AQR: variants seen among roughly 807,000 people sequenced by gnomAD.
The protein encoded by AQR is RNA helicase aquarius.
A neutral mutation model predicts 180.5 loss-of-function variants in AQR; 61 were observed. The observed-to-expected ratio is 0.34, with a 90% CI of 0.28 to 0.42. The LOEUF (loss-of-function observed/expected upper bound fraction) is 0.42. Among genes scored for constraint, AQR ranks in the 10% least tolerant of loss-of-function variants. The probability of loss-of-function intolerance (pLI) is 1.00; values close to 1 mark genes in which losing one functional copy is unlikely to be tolerated. For missense variants in AQR, 1,281 were observed against 1,798.3 expected (o/e 0.71, Z 5.20); for synonymous variants, 551 against 588.8 (o/e 0.94, Z 0.93).
intron 3 of AQR, among the ~76,000 whole-genome samples, chr15:34,956,399 C>T (rs1894316734): frequency 1.3e-5 from 2 of 152,106 alleles, no homozygotes; most frequent in Admixed American, 1.3e-4. Flanking sequence ...ACCTGTAATC[C>T]CAGCACTTTG....
chr15:34,918,162 G>A, intron 15 of AQR, 96 bp downstream of exon 15: 1 of 1,303,332 alleles, frequency 7.7e-7, no homozygotes, highest in Non-Finnish European at 1.1e-6. Context: ...CTAATGTACA[G>A]AGTAGACTCA....
rs1264850303 is a variant in AQR at position 34,915,018 on chromosome 15, G to A, written c.1484+20C>T. The A allele has an allele frequency of 2.5e-6, 4 of 1,590,424 alleles. No individual in the cohort carries two copies. Among genetic ancestry groups the A allele is most frequent in the African/African-American group, 1.4e-5 (1 of 73,730 alleles). ...TCACTGTTTGCATCTCTTCATTACA[G>A]GTGGAACCAATTTACTAACCATGGC... is the stretch of plus-strand genomic sequence containing the variant. On this transcript the variant is annotated intron_variant, in intron 16 of 34. Transcript: ENST00000156471.
At chr15:34,932,827 C>T (rs922697098) in intron 10 of AQR, among the ~76,000 whole-genome samples, 7 of 151,854 alleles carry the variant, frequency 4.6e-5, no homozygotes, top group African/African-American at 1.5e-4. Flanking sequence ...TGGTGATGGG[C>T]GCCTGTAATC....
chr15:34,927,793 G>T (rs1423067035), intron 12 of AQR, among the ~76,000 whole-genome samples: 2 of 152,222 alleles, frequency 1.3e-5, no homozygotes, highest in Non-Finnish European at 2.9e-5. Context: ...GGATGACACA[G>T]AAGGTTGCCA....
At chr15:34,923,664 T>C (rs1893714105) in intron 13 of AQR, among the ~76,000 whole-genome samples, 1 of 152,200 alleles carries the variant, frequency 6.6e-6, no homozygotes, top group Non-Finnish European at 1.5e-5. Flanking sequence ...TCTAATTGTT[T>C]CAGCACCATT....
chr15:34,906,621 C>T lies in AQR; in HGVS notation c.1755G>A (p.Glu585=). 2 of 1,614,102 alleles carry T rather than the reference C, an allele frequency of 1.2e-6. No homozygotes were observed. The highest frequency in any genetic ancestry group is 8.5e-7 in the Non-Finnish European group (1 of 1,180,004). Residue 585 remains glutamate (E), a synonymous_variant, in exon 18 of 35, where the codon GAG becomes GAA. Coordinates refer to ENST00000156471, the MANE Select transcript of AQR (RefSeq NM_014691.3). ...CTCTGACATAAACCAGGCCAACCTG[C>T]TCAATAAAAGGTCTCCTCCGGTCAA... ...TKFDRRRPFI[E]QVGLVYVRGC...
At position 34,964,256 on chromosome 15, in the gene AQR, T is replaced by G; in HGVS notation, c.110A>C (p.Lys37Thr). The G allele has an allele frequency of 6.2e-7, 1 of 1,608,222 alleles. No homozygotes were observed. Among genetic ancestry groups the G allele is most frequent in the South Asian group, 1.1e-5 (1 of 90,324 alleles). Residue 37 changes from lysine (K) to threonine (T), a missense_variant, in exon 2 of 35, where the codon AAG becomes ACG. Lys to Thr is a moderately conservative substitution (Grantham distance 78). Around this residue, in one of 9 missense-constraint regions of AQR, gnomAD observed 404 missense variants for 490.9 expected, o/e 0.82. Coordinates refer to ENST00000156471, the MANE Select transcript of AQR (RefSeq NM_014691.3). The part of the protein sequence containing the change: ...ACKYWAPHIK[K>T]KSPFDIKVIE... Reference sequence around the variant, plus strand: ...TACCTTTATATCAAAAGGTGATTTCTTCTTGATGTGGGGAGCCCAGTATTT... The same window carrying G: ...TACCTTTATATCAAAAGGTGATTTCGTCTTGATGTGGGGAGCCCAGTATTT...
rs200958717 is a variant in AQR at position 34,927,108 on chromosome 15, A to G, written c.1045T>C (p.Tyr349His). The change falls in exon 13 of 35, where the codon TAT (tyrosine) becomes CAT (histidine). Residue 349 changes from tyrosine (Y) to histidine (H), a missense_variant. Transcript: ENST00000156471. ...GCCACATTTGAGAGGGCAAAATCAT[A>G]GAGTTCAGGAAAATGTGCAAAAGCA... is the stretch of plus-strand genomic sequence containing the variant. Reference protein sequence around the residue: ...RAAFAHFPELYDFALSNVAEV... With the variant: ...RAAFAHFPELHDFALSNVAEV... 3.9e-5 allele frequency: 62 copies of G among 1,592,846 alleles called. No individual in the cohort carries two copies. In the African/African-American group the frequency reaches 7.4e-4, roughly 19 times the overall value.
At position 34,903,264 on chromosome 15, in the gene AQR, A is replaced by G. The variant is rs559760441; in HGVS notation, c.2001+1072T>C. ...AAAATGATGTTGGAGAGGACACCAG[A>G]AGACAGATAATGAGAGGGCCTTTTG... On this transcript the variant is annotated intron_variant, in intron 19 of 34. Coordinates refer to ENST00000156471, the MANE Select transcript of AQR (RefSeq NM_014691.3). Among the ~76,000 whole-genome samples the G allele has an allele frequency of 4.6e-5, 7 of 152,330 alleles. No homozygotes were observed. In the East Asian group the frequency reaches 1.3e-3, roughly 29 times the overall value.
rs1893560852 is a variant in AQR, at chr15:34,915,115, G to A, written c.1407C>T (p.Asn469=). ...FLTLHDYLLR[N]FNLFRLESTY... ...TTGATTCTAAGCGGAAGAGGTTAAAGTTCCTTAGCAGGTAGTCATGAAGAG... is the reference window on the plus strand; with the variant it reads ...TTGATTCTAAGCGGAAGAGGTTAAAATTCCTTAGCAGGTAGTCATGAAGAG... The change falls in exon 16 of 35, where the codon AAC becomes AAT. Residue 469 remains asparagine (N), a synonymous_variant. Transcript: ENST00000156471. 1.2e-6 allele frequency: 2 copies of A among 1,613,250 alleles called. No homozygotes were observed. Among genetic ancestry groups the A allele is most frequent in the Non-Finnish European group, 8.5e-7 (1 of 1,179,870 alleles).
chr15:34,886,493 T>C, intron 25 of AQR, 33 bp downstream of exon 25: 1 of 1,575,544 alleles, frequency 6.3e-7, no homozygotes, highest in Non-Finnish European at 8.6e-7. Flanking sequence ...CATATTATGA[T>C]GAAGTATGAT....
At chr15:34,952,853 C>A (rs1272151376) in intron 4 of AQR, 32 bp downstream of exon 4, 29 of 1,415,486 alleles carry the variant, frequency 2.0e-5, no homozygotes, top group Non-Finnish European at 2.8e-5. Flanking sequence ...ATCACATTAT[C>A]TCTTTCATCA....
rs1310953427 is a variant in AQR, at chr15:34,886,647, T to C, written c.2696A>G (p.Asn899Ser). 1 of 1,613,180 alleles carries C rather than the reference T, an allele frequency of 6.2e-7. No individual in the cohort carries two copies. The part of the protein sequence containing the change: ...EKDFSRYGRV[N>S]YVLARRIELL... Reference sequence around the variant, plus strand: ...TTCTATTCTTCGAGCCAGAACATAATTAACTCTTCCATACCTAGACATTTC... The same window carrying C: ...TTCTATTCTTCGAGCCAGAACATAACTAACTCTTCCATACCTAGACATTTC... Residue 899 changes from asparagine (N) to serine (S), a missense_variant, in exon 25 of 35, where the codon AAT becomes AGT. Physicochemically the swap from Asn to Ser is conservative, Grantham distance 46. This residue lies in a region of AQR where 125 missense variants were observed against 185.0 expected (regional missense o/e 0.68). Coordinates refer to ENST00000156471, the MANE Select transcript of AQR (RefSeq NM_014691.3).
rs377254163 is a variant in AQR, at chr15:34,914,914, C to G, written c.1484+124G>C. The G allele has an allele frequency of 2.9e-5, 29 of 988,500 alleles. 1 individual carries two copies. Among genetic ancestry groups the G allele is most frequent in the African/African-American group, 2.2e-4 (13 of 59,834 alleles). 61.2% of individuals were successfully genotyped at this position (988,500 alleles called of 1,614,324 possible). Reference sequence around the variant, plus strand: ...TAAAAATGTCTCAAAGAGTAAATATCTCCTATTTTAGAGGGCACTTTTGTC... The same window carrying G: ...TAAAAATGTCTCAAAGAGTAAATATGTCCTATTTTAGAGGGCACTTTTGTC... On this transcript the variant is annotated intron_variant, in intron 16 of 34. Transcript: ENST00000156471.
intron 23 of AQR, among the ~76,000 whole-genome samples, chr15:34,891,623 T>C (rs915205366): frequency 2.0e-5 from 3 of 152,270 alleles, no homozygotes; most frequent in East Asian, 1.9e-4. Context: ...AGGATAACTG[T>C]AGAAAGCCAT....
intron 31 of AQR, chr15:34,868,930 C>G (rs922381990): frequency 6.6e-6 from 1 of 152,156 alleles, no homozygotes; most frequent in Non-Finnish European, 1.5e-5. Context: ...TAGTTTGAAG[C>G]TATCTTGCAT....
intron 13 of AQR, among the ~76,000 whole-genome samples, chr15:34,925,861 T>C (rs1389732897): frequency 5.4e-5 from 8 of 147,710 alleles, no homozygotes; most frequent in Admixed American, 4.7e-4. Flanking sequence ...GACTCACCAA[T>C]AGGAGATTAA....
At chr15:34,908,401 C>T (rs541980005) in intron 17 of AQR, among the ~76,000 whole-genome samples, 2 of 151,914 alleles carry the variant, frequency 1.3e-5, no homozygotes, top group East Asian at 3.9e-4. Flanking sequence ...GTGCCACTGC[C>T]CTCCAGACTG....
intron 32 of AQR, among the ~76,000 whole-genome samples, chr15:34,865,038 A>C (rs970739191): frequency 6.6e-6 from 1 of 151,984 alleles, no homozygotes; most frequent in Non-Finnish European, 1.5e-5. Context: ...CGAACATAAC[A>C]AACTACCAGG....
Sources: allele counts gnomAD v4.1 joint callset (sites outside exome capture counted in the v4.1 genomes callset), GRCh38; gene constraint gnomAD v4.1.1; regional missense constraint gnomAD v4.1.1; transcripts MANE v1.5; gene names NCBI Gene and HGNC (gene_info 2026-07-23, HGNC 2026-07-21).